MUC4: variants seen among roughly 807,000 people sequenced by gnomAD.
The protein encoded by MUC4 is mucin-4.
A neutral mutation model predicts 257.9 loss-of-function variants in MUC4; 202 were observed. The observed-to-expected ratio is 0.78, with a 90% CI of 0.70 to 0.88. MUC4 has a LOEUF of 0.88. Among genes scored for constraint, MUC4 ranks in the 40% least tolerant of loss-of-function variants. The probability of loss-of-function intolerance (pLI) is 0.00; values close to 1 mark genes in which losing one functional copy is unlikely to be tolerated. For synonymous variants in MUC4, 2,351 were observed against 2,757.1 expected (o/e 0.85, Z 4.62); for missense variants, 5,976 against 6,513.7 (o/e 0.92, Z 2.84).
At chr3:195,763,685 T>G (rs1331484300) in intron 11 of MUC4, 44 bp from the exon 12 acceptor site, 5 of 1,447,344 alleles carry the variant, frequency 3.5e-6, no homozygotes. Context: ...ACAAATCATG[T>G]GTAGGGCTGA....
intron 1 of MUC4, among the ~76,000 whole-genome samples, chr3:195,804,898 A>T (rs142944320): frequency 2.3e-4 from 35 of 152,338 alleles, no homozygotes; most frequent in African/African-American, 7.5e-4. Flanking sequence ...CTAACTCAAG[A>T]TACCCTTGGA....
Position 195,783,135 on chromosome 3 carries a change from G to T in MUC4, c.8445C>A (p.Thr2815=). ...AGGAAGCGTCGGTGACAGGAAGAGAGGTGGCGTGACCTGTGGACACTGACG... is the reference window on the plus strand; with the variant it reads ...AGGAAGCGTCGGTGACAGGAAGAGATGTGGCGTGACCTGTGGACACTGACG... ...DASSVSTGHA[T]SLPVTDASSV... Residue 2815 remains threonine, a synonymous_variant, in exon 2 of 25, where the codon ACC becomes ACA. Transcript: ENST00000463781. 2 of 1,311,466 alleles carry T rather than the reference G, an allele frequency of 1.5e-6. No homozygotes were observed. Among genetic ancestry groups the T allele is most frequent in the South Asian group, 1.5e-5 (1 of 68,958 alleles). 81.2% of individuals were successfully genotyped at this position (1,311,466 alleles called of 1,614,324 possible).
At chr3:195,751,549 C>T in intron 21 of MUC4, 1 of 562,610 alleles carries the variant, frequency 1.8e-6, no homozygotes, top group Non-Finnish European at 3.2e-6. Flanking sequence ...ATGAATGGCC[C>T]CTACCTTGCC....
chr3:195,773,466 C>T (rs1723606951), intron 4 of MUC4, among the ~76,000 whole-genome samples: 1 of 151,286 alleles, frequency 6.6e-6, no homozygotes, highest in Non-Finnish European at 1.5e-5. Context: ...CTCTCCATCG[C>T]TCAGCAGGTG....
At chr3:195,802,361 T>C (rs1229691061) in intron 1 of MUC4, among the ~76,000 whole-genome samples, 1 of 57,182 alleles carries the variant, frequency 1.7e-5, no homozygotes, top group Non-Finnish European at 4.2e-5. Flanking sequence ...GCCTCCTCAC[T>C]GCCCCTGCTG....
intron 1 of MUC4, among the ~76,000 whole-genome samples, chr3:195,808,485 G>A (rs946413423): frequency 4.6e-5 from 7 of 152,162 alleles, no homozygotes; most frequent in African/African-American, 1.7e-4. Flanking sequence ...GGATTACAGC[G>A]TGAGCCACCG....
Position 195,780,030 on chromosome 3 carries a change from G to A in MUC4, c.11550C>T (p.Ser3850=), listed in dbSNP as rs763694804. ...CAGGAAGAGGCATGGTGTCACCTGT[G>A]GATACTGAGGAAGGGATGGTGACAG... ...PLPVTIPSSV[S]TGDTMPLPVT... The change falls in exon 2 of 25, where the codon TCC becomes TCT. Residue 3850 remains serine, a synonymous_variant. Transcript: ENST00000463781. 2.7e-5 allele frequency: 20 copies of A among 737,812 alleles called. 4 individuals carry two copies. The African/African-American group carries it at 5.5e-4, about 20-fold the overall frequency. The allele number at this position is 737,812 out of a possible 1,614,324, so 45.7% of individuals were successfully genotyped here.
At position 195,770,324 on chromosome 3, in the gene MUC4, G is replaced by A. The variant is rs1329162531; in HGVS notation, c.13290C>T (p.Ala4430=). The change falls in exon 6 of 25, where the codon GCC becomes GCT. Residue 4430 remains alanine (A), a synonymous_variant. Transcript: ENST00000463781. Reference sequence around the variant, plus strand: ...TTGTCATCTTTCTAATCCAAGACTCGGCCTGCTGGACTAGCAGGCTGTGTT... The same window carrying A: ...TTGTCATCTTTCTAATCCAAGACTCAGCCTGCTGGACTAGCAGGCTGTGTT... ...YGEHSLLVQQ[A]ESWIRKMTNN... is the part of the protein sequence containing the mutation. 5 of 1,613,954 alleles carry A rather than the reference G, an allele frequency of 3.1e-6. No individual in the cohort carries two copies. Among genetic ancestry groups the A allele is most frequent in the East Asian group, 2.2e-5 (1 of 44,868 alleles).
intron 20 of MUC4, among the ~76,000 whole-genome samples, chr3:195,752,807 G>A (rs888937337): frequency 2.0e-5 from 3 of 152,214 alleles, no homozygotes; most frequent in African/African-American, 7.2e-5. Context: ...ATCTCACTGA[G>A]CCAGCTGTGA....
rs1014955169 is a variant in MUC4, at chr3:195,761,002, G to A, written c.14730C>T (p.Ile4910=). 7 of 1,614,102 alleles carry A rather than the reference G, an allele frequency of 4.3e-6. No homozygotes were observed. In the Admixed American group the frequency reaches 5.0e-5, roughly 12 times the overall value. The change falls in exon 16 of 25, where the codon ATC becomes ATT. Residue 4910 remains isoleucine (I), a synonymous_variant. Transcript: ENST00000463781. ...ATGAGCTATCTCCGTCACAGTTGGA[G>A]ATCAAATGTTCAGCCCAGGAGCTGT... ...QKNSSWAEHL[I]SNCDGDSSCI...
In MUC4 at chr3:195,784,635, T is replaced by C; in HGVS notation, c.6945A>G (p.Thr2315=). ...TGACAGGAAGAGGGGTGGCGTGACC[T>C]GTGGATGCTGAGGAAGCGTCGGTGA... The part of the protein sequence containing the change: ...LHVTDASSAS[T]GHATPLPVTS... The change falls in exon 2 of 25, where the codon ACA becomes ACG. Residue 2315 remains threonine, a synonymous_variant. Transcript: ENST00000463781. 7.2e-7 allele frequency: 1 copy of C among 1,388,042 alleles called. No individual in the cohort carries two copies. The highest frequency in any genetic ancestry group is 9.6e-7 in the Non-Finnish European group (1 of 1,038,784). The allele number at this position is 1,388,042 out of a possible 1,614,324, so 86.0% of individuals were successfully genotyped here. A position where few individuals can be genotyped will look rare whatever the true frequency, so the allele number is the denominator to read the frequency against.
At chr3:195,802,275 C>A (rs1735421521) in intron 1 of MUC4, among the ~76,000 whole-genome samples, 1 of 151,434 alleles carries the variant, frequency 6.6e-6, no homozygotes, top group Non-Finnish European at 1.5e-5. Context: ...CGTTGATCTT[C>A]CTCCCAAGTG....
Position 195,781,504 on chromosome 3 carries a change from G to C in MUC4, c.10076C>G (p.Thr3359Ser). The change falls in exon 2 of 25, where the codon ACC (threonine) becomes AGC (serine). Residue 3359 changes from threonine to serine, a missense_variant. Thr to Ser is a moderately conservative substitution (Grantham distance 58). Transcript: ENST00000463781. Reference protein sequence around the residue: ...DTSSVSTGHATPLPVTGLSSA... With the variant: ...DTSSVSTGHASPLPVTGLSSA... Reference sequence around the variant, plus strand: ...GGAAAGGCCGGTGACAGGAAGAGGGGTGGCGTGACCTGTGGATACTGAGGA... The same window carrying C: ...GGAAAGGCCGGTGACAGGAAGAGGGCTGGCGTGACCTGTGGATACTGAGGA... The C allele has an allele frequency of 2.6e-6, 4 of 1,515,450 alleles. 1 individual carries two copies. The highest frequency in any genetic ancestry group is 2.4e-5 in the South Asian group (2 of 82,756). 93.9% of individuals were successfully genotyped at this position (1,515,450 alleles called of 1,614,324 possible).
intron 23 of MUC4, among the ~76,000 whole-genome samples, chr3:195,749,514 A>G (rs551279396): frequency 3.0e-4 from 45 of 152,282 alleles, no homozygotes; most frequent in African/African-American, 9.6e-4. Flanking sequence ...TGATCATAAT[A>G]GCACTTATGC....
In MUC4 at chr3:195,788,835, G is replaced by C; in HGVS notation, c.2745C>G (p.Thr915=). Residue 915 remains threonine, a synonymous_variant, in exon 2 of 25, where the codon ACC becomes ACG. Coordinates refer to ENST00000463781, the MANE Select transcript of MUC4 (RefSeq NM_018406.7). ...GGCTGATAGTGTCAGACCCTCTGCT[G>C]GTTCTTGTCCTCTGAGTCTGGGCCA... ...SRMAQTQRTR[T]SRGSDTISLA... 19 of 1,613,932 alleles carry C rather than the reference G, an allele frequency of 1.2e-5. No homozygotes were observed. The highest frequency in any genetic ancestry group is 2.2e-5 in the East Asian group (1 of 44,890).
In MUC4 at chr3:195,775,437, C is replaced by CAGTCAT. The variant is rs1724237874; in HGVS notation, c.12944-1133_12944-1132insATGACT. 1.7e-5 allele frequency among the ~76,000 whole-genome samples: 2 copies of CAGTCAT among 118,578 alleles called. 1 individual carries two copies. The highest frequency in any genetic ancestry group is 5.8e-5 in the African/African-American group (2 of 34,272). 77.8% of individuals were successfully genotyped at this position (118,578 alleles called of 152,430 possible). A position where few individuals can be genotyped will look rare whatever the true frequency, so the allele number is the denominator to read the frequency against. On this transcript the variant is annotated intron_variant, in intron 3 of 24. Transcript: ENST00000463781. ...ATACCTTCCACACCCATACCTTCCA[C>CAGTCAT]ACCCATACCTTCCACACCCATACCT... is the stretch of plus-strand genomic sequence containing the variant.
chr3:195,786,543 G>T lies in MUC4; in HGVS notation c.5037C>A (p.Thr1679=), dbSNP rs1486503772. ...AGGAAAGGCCGGTGACAGGAAGAGGGGTGGCGTGACCGGTGGATGCTGAGG... is the reference window on the plus strand; with the variant it reads ...AGGAAAGGCCGGTGACAGGAAGAGGTGTGGCGTGACCGGTGGATGCTGAGG... ...STSSASTGHA[T]PLPVTGLSSA... is the part of the protein sequence containing the mutation. Residue 1679 remains threonine (T), a synonymous_variant, in exon 2 of 25, where the codon ACC becomes ACA. Transcript: ENST00000463781. The T allele has an allele frequency of 8.1e-5, 123 of 1,517,904 alleles. 4 individuals carry two copies. Among genetic ancestry groups the T allele is most frequent in the Non-Finnish European group, 1.0e-4 (118 of 1,126,338 alleles). 94.0% of individuals were successfully genotyped at this position (1,517,904 alleles called of 1,614,324 possible).
rs112836612 is a variant in MUC4 at position 195,811,804 on chromosome 3, C to T, written c.14G>A (p.Arg5His). The T allele has an allele frequency of 3.8e-3, 6,106 of 1,613,846 alleles. 12 individuals carry two copies. The highest frequency in any genetic ancestry group is 4.4e-3 in the Non-Finnish European group (5,238 of 1,179,922). Residue 5 changes from arginine (R) to histidine (H), a missense_variant, in exon 1 of 25, where the codon CGC (arginine) becomes CAC (histidine). Around this residue, in one of 44 missense-constraint regions of MUC4, gnomAD observed 1,583 missense variants for 1,257.4 expected, o/e 1.26. Transcript: ENST00000463781. MKGA[R>H]WRRVPWVSLS... The stretch of plus-strand genomic sequence containing the variant: ...GGACACCCAGGGGACCCTCCTCCAG[C>T]GTGCCCCCTTCATGGCTGCGGCAAA...
At position 195,779,755 on chromosome 3, in the gene MUC4, G is replaced by T. The variant is rs573187517; in HGVS notation, c.11825C>A (p.Thr3942Asn). 18 of 1,109,760 alleles carry T rather than the reference G, an allele frequency of 1.6e-5. No homozygotes were observed. Among genetic ancestry groups the T allele is most frequent in the East Asian group, 9.2e-5 (2 of 21,806 alleles). 68.7% of individuals were successfully genotyped at this position (1,109,760 alleles called of 1,614,324 possible). Reference sequence around the variant, plus strand: ...GGTGTCACCTGTGGATGCTGAGGAAGTGCTGGTGACAGGAAGAGGGGTGGC... The same window carrying T: ...GGTGTCACCTGTGGATGCTGAGGAATTGCTGGTGACAGGAAGAGGGGTGGC... ...GHATPLPVTS[T>N]SSASTGDTTP... The change falls in exon 2 of 25, where the codon ACT (threonine) becomes AAT (asparagine). Residue 3942 changes from threonine to asparagine, a missense_variant. Thr to Asn is a moderately conservative substitution (Grantham distance 65). Coordinates refer to ENST00000463781, the MANE Select transcript of MUC4 (RefSeq NM_018406.7).
Sources: allele counts gnomAD v4.1 joint callset (sites outside exome capture counted in the v4.1 genomes callset), GRCh38; gene constraint gnomAD v4.1.1; regional missense constraint gnomAD v4.1.1; transcripts MANE v1.5; gene names NCBI Gene and HGNC (gene_info 2026-07-23, HGNC 2026-07-21).